The following CEP85 variants were observed in gnomAD, a reference collection of about 807,000 sequenced individuals.
CEP85 encodes the protein centrosomal protein of 85 kDa.
Under a neutral mutation model 93.7 loss-of-function variants are expected in CEP85, and 58 were observed. The ratio of observed to expected loss-of-function variants is 0.62; its 90% CI spans 0.50 to 0.77. The LOEUF (loss-of-function observed/expected upper bound fraction) is 0.77, where lower values mean the gene tolerates loss of function less well. CEP85 is among the 30% of genes least tolerant of loss of function. The pLI is 0.00. For missense variants in CEP85, 868 were observed against 922.0 expected (o/e 0.94, Z 0.76); for synonymous variants, 314 against 338.6 (o/e 0.93, Z 0.80).
intron 3 of CEP85, among the ~76,000 whole-genome samples, chr1:26,253,131 C>T (rs889036625): frequency 6.6e-6 from 1 of 152,016 alleles, no homozygotes. Flanking sequence ...CTTATCTGTT[C>T]GTCTGTTGAT....
At chr1:26,235,646 C>G (rs1221811233) in intron 1 of CEP85, among the ~76,000 whole-genome samples, 3 of 145,808 alleles carry the variant, frequency 2.1e-5, no homozygotes, top group Non-Finnish European at 3.0e-5. Flanking sequence ...GATGTCGGCT[C>G]ACCGCAACCT....
chr1:26,270,899 C>T lies in CEP85; in HGVS notation c.1650-115C>T, dbSNP rs1019573793. The T allele has an allele frequency of 6.1e-6, 4 of 661,082 alleles. No homozygotes were observed. The African/African-American group carries it at 7.1e-5, about 12-fold the overall frequency. The allele number at this position is 661,082 out of a possible 1,614,324, so 41.0% of individuals were successfully genotyped here. A position where few individuals can be genotyped will look rare whatever the true frequency, so the allele number is the denominator to read the frequency against. On this transcript the variant is annotated intron_variant, in intron 9 of 13. Transcript: ENST00000451429. Reference sequence around the variant, plus strand: ...TTACAGCAGACCCAAGTATTATCCCCAGCTACTGCTTGGACTAAGTGTCTT... The same window carrying T: ...TTACAGCAGACCCAAGTATTATCCCTAGCTACTGCTTGGACTAAGTGTCTT...
chr1:26,239,667 C>A, intron 1 of CEP85, 95 bp from the exon 2 acceptor site: 1 of 800,522 alleles, frequency 1.2e-6, no homozygotes, highest in Non-Finnish European at 2.2e-6. Flanking sequence ...CTTGAATATT[C>A]TATATGGTTT....
chr1:26,269,803 T>TTTC (rs1385872992), intron 9 of CEP85, among the ~76,000 whole-genome samples, 189 bp downstream of exon 9: 1 of 146,374 alleles, frequency 6.8e-6, no homozygotes, highest in Non-Finnish European at 1.5e-5. Context: ...TTTTTTTTTT[T>TTTC]TGAGACGGAG....
At position 26,272,022 on chromosome 1, in the gene CEP85, T is replaced by C. The variant is rs780464226; in HGVS notation, c.1745T>C (p.Ile582Thr). The C allele has an allele frequency of 3.7e-6, 6 of 1,613,956 alleles. No individual in the cohort carries two copies. The highest frequency in any genetic ancestry group is 1.3e-5 in the African/African-American group (1 of 74,932). The part of the protein sequence containing the change: ...WQKRYDSLQK[I>T]VEKQQQKMDQ... ...TTCCTTGATAACTTTGCCTTTCAGA[T>C]TGTGGAGAAGCAGCAGCAGAAGATG... The change falls in exon 11 of 14, where the codon ATT becomes ACT. Residue 582 changes from isoleucine (I) to threonine (T), a missense_variant and splice_region_variant. By Grantham distance (89) the Ile-to-Thr change is moderately conservative. Transcript: ENST00000451429.
At chr1:26,276,421 A>G in intron 12 of CEP85, 114 bp from the exon 13 acceptor site, 1 of 775,330 alleles carries the variant, frequency 1.3e-6, no homozygotes, top group Non-Finnish European at 2.2e-6. Context: ...AGGGTTGGGG[A>G]AGGAGGGACA....
chr1:26,265,087 G>A (rs982019727), intron 7 of CEP85, among the ~76,000 whole-genome samples: 9 of 149,380 alleles, frequency 6.0e-5, no homozygotes, highest in Non-Finnish European at 1.0e-4. Context: ...GGGTTCAAGC[G>A]ATTCTCCTGC....
intron 3 of CEP85, among the ~76,000 whole-genome samples, chr1:26,249,184 C>T (rs1260696318): frequency 6.6e-6 from 1 of 152,214 alleles, no homozygotes; most frequent in Non-Finnish European, 1.5e-5. Context: ...CGGGTTCAAG[C>T]GATTCTTCTG....
chr1:26,250,165 CAG>C (rs145705628), intron 3 of CEP85, among the ~76,000 whole-genome samples: 22,447 of 152,164 alleles, frequency 0.15, 1,879 homozygotes, highest in African/African-American at 0.21. Flanking sequence ...CGGTGTAACT[CAG>C]AGGTCCCCAA....
intron 1 of CEP85, among the ~76,000 whole-genome samples, chr1:26,236,690 A>T (rs927132776): frequency 6.6e-6 from 1 of 152,230 alleles, no homozygotes; most frequent in African/African-American, 2.4e-5. Flanking sequence ...TCTGAGCCAA[A>T]TATGGGTGAC....
At chr1:26,238,356 A>G (rs1449559545) in intron 1 of CEP85, among the ~76,000 whole-genome samples, 1 of 151,522 alleles carries the variant, frequency 6.6e-6, no homozygotes, top group Non-Finnish European at 1.5e-5. Flanking sequence ...GCCTGCCACC[A>G]TGCCTGGCTA....
chr1:26,261,041 T>C (rs1168813440), intron 7 of CEP85, among the ~76,000 whole-genome samples: 1 of 151,274 alleles, frequency 6.6e-6, no homozygotes, highest in East Asian at 2.0e-4. Flanking sequence ...TCCACCCACC[T>C]CAGCCTCCCA....
In CEP85 at chr1:26,271,097, C is replaced by T. The variant is rs747760374; in HGVS notation, c.1733C>T (p.Ser578Leu). Residue 578 changes from serine to leucine, a missense_variant, in exon 10 of 14, where the codon TCG (serine) becomes TTG (leucine). Coordinates refer to ENST00000451429, the MANE Select transcript of CEP85 (RefSeq NM_001319944.2). ...EMESWQKRYD[S>L]LQKIVEKQQQ... ...GAGTCCTGGCAGAAGCGATACGATTCGCTCCAAAAGGTGACTGAGGGTGTC... is the reference window on the plus strand; with the variant it reads ...GAGTCCTGGCAGAAGCGATACGATTTGCTCCAAAAGGTGACTGAGGGTGTC... 3.1e-4 allele frequency: 495 copies of T among 1,608,912 alleles called. 1 individual carries two copies. Among genetic ancestry groups the T allele is most frequent in the Non-Finnish European group, 4.0e-4 (472 of 1,175,486 alleles).
intron 11 of CEP85, among the ~76,000 whole-genome samples, chr1:26,273,162 G>C (rs1363127696): frequency 6.6e-6 from 1 of 152,182 alleles, no homozygotes; most frequent in Admixed American, 6.5e-5. Flanking sequence ...ACAAGATGTA[G>C]GGGTTGAAGA....
At chr1:26,275,119 T>C (rs779397131) in intron 12 of CEP85, 48 bp downstream of exon 12, 7 of 1,403,366 alleles carry the variant, frequency 5.0e-6, no homozygotes, top group Non-Finnish European at 6.9e-6. Context: ...ACAAACCCGA[T>C]TTCTTTGTTT....
At chr1:26,270,595 C>A (rs11247893) in intron 9 of CEP85, among the ~76,000 whole-genome samples, 24,796 of 152,180 alleles carry the variant, frequency 0.16, 2,125 homozygotes, top group Middle Eastern at 0.19. Flanking sequence ...CTGGAGGAAA[C>A]CATTGGTTAG....
intron 12 of CEP85, among the ~76,000 whole-genome samples, chr1:26,275,520 C>A (rs1028433316): frequency 5.3e-5 from 8 of 152,146 alleles, no homozygotes; most frequent in African/African-American, 1.9e-4. Flanking sequence ...ACCTTGTGAT[C>A]CGCCCACTTT....
At position 26,247,808 on chromosome 1, in the gene CEP85, G is replaced by GTTTGT. The variant is rs569238071; in HGVS notation, c.208+3515_208+3519dup. Among the ~76,000 whole-genome samples, 195 of 151,990 alleles carry GTTTGT rather than the reference G, an allele frequency of 1.3e-3. 1 individual carries two copies. Among genetic ancestry groups the GTTTGT allele is most frequent in the African/African-American group, 3.3e-3 (138 of 41,438 alleles). ...AGGCGTGTACCATCACACTCAGCCA[G>GTTTGT]TTTGTTTTGTTTTGTTTTGTTTTGT... On this transcript the variant is annotated intron_variant, in intron 3 of 13. Transcript: ENST00000451429.
intron 11 of CEP85, among the ~76,000 whole-genome samples, chr1:26,273,085 G>A (rs145602536): frequency 6.6e-6 from 1 of 152,270 alleles, no homozygotes; most frequent in Non-Finnish European, 1.5e-5. Context: ...CAGCATAGCA[G>A]CGAGGAGATG....
Sources: allele counts gnomAD v4.1 joint callset (sites outside exome capture counted in the v4.1 genomes callset), GRCh38; gene constraint gnomAD v4.1.1; transcripts MANE v1.5; gene names NCBI Gene and HGNC (gene_info 2026-07-23, HGNC 2026-07-21).